The following FAAH2 variants were observed in gnomAD, a reference collection of about 807,000 sequenced individuals.
FAAH2 encodes fatty acid amide hydrolase 2.
FAAH2 carries 60 observed loss-of-function variants against 36.9 expected under a neutral mutation model. The observed-to-expected ratio is 1.63, with a 90% CI of 1.32 to 2.02. The LOEUF (loss-of-function observed/expected upper bound fraction) is 2.02. Among genes scored for constraint, FAAH2 ranks in the 30% most tolerant of loss-of-function variants. The pLI is 0.00. For synonymous variants in FAAH2, 214 were observed against 143.8 expected (o/e 1.49, Z -3.49); for missense variants, 689 against 397.5 (o/e 1.73, Z -6.23).
At chrX:57,475,162 C>T (rs1457577814) in intron 10 of FAAH2, among the ~76,000 whole-genome samples, 1 of 111,412 alleles carries the variant, frequency 9.0e-6, no homozygotes, top group Non-Finnish European at 1.9e-5. Flanking sequence ...CACTCTGATG[C>T]TAATTTCTTT....
chrX:57,408,966 A>T (rs909988784), intron 7 of FAAH2, among the ~76,000 whole-genome samples: 3 of 111,169 alleles, frequency 2.7e-5, no homozygotes, highest in East Asian at 2.8e-4. Context: ...AACAATATAG[A>T]GTGTACTTAC....
chrX:57,342,740 C>T (rs918070993), intron 5 of FAAH2, among the ~76,000 whole-genome samples: 6 of 110,276 alleles, frequency 5.4e-5, no homozygotes, highest in African/African-American at 1.3e-4. Context: ...GAACACAGTC[C>T]CTGATAGGTA....
the FAAH2 span, among the ~76,000 whole-genome samples, chrX:57,255,016 A>G: frequency 1.3e-4 from 14 of 111,700 alleles, no homozygotes; most frequent in Admixed American, 1.3e-3. Context: ...CAAAATTGAT[A>G]GACCACTAGC....
chrX:57,381,804 T>C (rs773206359), intron 7 of FAAH2, among the ~76,000 whole-genome samples: 8 of 111,256 alleles, frequency 7.2e-5, no homozygotes, highest in Non-Finnish European at 1.5e-4. Context: ...GGAATTGAAT[T>C]CAGCTCTGCA....
intron 5 of FAAH2, among the ~76,000 whole-genome samples, chrX:57,356,361 C>A (rs1350827109): frequency 9.1e-6 from 1 of 110,422 alleles, no homozygotes; most frequent in African/African-American, 3.3e-5. Flanking sequence ...AGATAGAATT[C>A]TTCTGTGAAG....
At chrX:57,272,876 A>T in the FAAH2 span, among the ~76,000 whole-genome samples, 1 of 112,415 alleles carries the variant, frequency 8.9e-6, no homozygotes, top group Non-Finnish European at 1.9e-5. Context: ...ACAACCAGCT[A>T]GAATCATAAT....
chrX:57,477,430 GTGGC>G (rs1340924805), intron 10 of FAAH2, among the ~76,000 whole-genome samples: 2 of 110,476 alleles, frequency 1.8e-5, no homozygotes, highest in African/African-American at 6.6e-5. Context: ...AACATTTACT[GTGGC>G]TGTTTTTGTT....
intron 5 of FAAH2, among the ~76,000 whole-genome samples, chrX:57,348,257 A>G (rs976344570): frequency 9.1e-6 from 1 of 110,424 alleles, no homozygotes; most frequent in Non-Finnish European, 1.9e-5. Context: ...ACACCCTGCA[A>G]CTACCACGTC....
chrX:57,322,215 C>A (rs987142448), intron 3 of FAAH2, among the ~76,000 whole-genome samples: 1 of 111,479 alleles, frequency 9.0e-6, no homozygotes, highest in African/African-American at 3.3e-5. Context: ...TGGTCTCGAT[C>A]TTCTGACCTC....
At chrX:57,193,350 C>T in the FAAH2 span, among the ~76,000 whole-genome samples, 1 of 111,922 alleles carries the variant, frequency 8.9e-6, no homozygotes, top group African/African-American at 3.2e-5. Flanking sequence ...CAAACCCTGT[C>T]TCCTGATAAG....
chrX:57,164,580 A>G, the FAAH2 span, among the ~76,000 whole-genome samples: 1 of 112,232 alleles, frequency 8.9e-6, no homozygotes, highest in Non-Finnish European at 1.9e-5. Context: ...TCCCTGTAAA[A>G]GGCTTTCATA....
chrX:57,228,798 C>G, the FAAH2 span, among the ~76,000 whole-genome samples: 1 of 111,771 alleles, frequency 8.9e-6, no homozygotes, highest in Non-Finnish European at 1.9e-5. Context: ...TAACAAAACT[C>G]TTTAGTTTCC....
the FAAH2 span, among the ~76,000 whole-genome samples, chrX:57,212,835 G>A: frequency 9.0e-6 from 1 of 111,709 alleles, no homozygotes; most frequent in Non-Finnish European, 1.9e-5. Flanking sequence ...TGTGATCCTG[G>A]CTTCCTAGAA....
At chrX:57,163,216 G>A in the FAAH2 span, among the ~76,000 whole-genome samples, 60 of 112,048 alleles carry the variant, frequency 5.4e-4, no homozygotes, top group Admixed American at 2.4e-3. Context: ...CAGTCTGCCC[G>A]TTCTCAGATC....
At chrX:57,318,166 G>A (rs2052900186) in intron 3 of FAAH2, among the ~76,000 whole-genome samples, 1 of 108,581 alleles carries the variant, frequency 9.2e-6, no homozygotes, top group African/African-American at 3.3e-5. Flanking sequence ...TAAGATCAGA[G>A]CAGAACTAAA....
chrX:57,270,504 A>T, the FAAH2 span, among the ~76,000 whole-genome samples: 6 of 112,288 alleles, frequency 5.3e-5, no homozygotes, highest in Admixed American at 1.9e-4. Flanking sequence ...CAGCACATTG[A>T]AAAGCTTATT....
Position 57,380,905 on chromosome X carries a change from T to C in FAAH2, c.879-7T>C. 1 of 1,099,698 alleles carries C rather than the reference T, an allele frequency of 9.1e-7. No homozygotes were observed. The highest frequency in any genetic ancestry group is 1.2e-6 in the Non-Finnish European group (1 of 807,061). The allele number at this position is 1,099,698 out of a possible 1,213,427, so 90.6% of individuals were successfully genotyped here. ...GTTGATGTCAGTTTCTTTTTAATCC[T>C]ACACAGGTTAAAACTAGACACAAAG... On this transcript the variant is annotated splice_region_variant and splice_polypyrimidine_tract_variant and intron_variant, in intron 6 of 10. Coordinates refer to ENST00000374900, the MANE Select transcript of FAAH2 (RefSeq NM_174912.4).
chrX:57,418,425 G>A (rs1193305687), intron 7 of FAAH2, among the ~76,000 whole-genome samples: 1 of 111,014 alleles, frequency 9.0e-6, no homozygotes, highest in Non-Finnish European at 1.9e-5. Context: ...GTTATCTGGG[G>A]CCGTATTGCA....
intron 8 of FAAH2, among the ~76,000 whole-genome samples, chrX:57,440,910 A>C (rs188989485): frequency 4.0e-4 from 45 of 111,399 alleles, no homozygotes; most frequent in Non-Finnish European, 6.8e-4. Context: ...ACGTTTATTG[A>C]TTTGCATATG....
Sources: gnomAD v4.1 joint callset for allele counts (sites outside exome capture counted in the v4.1 genomes callset) on GRCh38, gnomAD v4.1.1 for gene constraint, MANE v1.5 for transcripts, NCBI Gene and HGNC (gene_info 2026-07-23, HGNC 2026-07-21) for gene names.